The following NAMPT variants were observed in gnomAD, a reference collection of about 807,000 sequenced individuals.
NAMPT encodes the protein nicotinamide phosphoribosyltransferase, also known as NAmPRTase.
Under a neutral mutation model 58.7 loss-of-function variants are expected in NAMPT, and 7 were observed. That is an observed-to-expected ratio of 0.12 (90% CI 0.07 to 0.22). NAMPT has a LOEUF of 0.22. Ranked by LOEUF, NAMPT falls within the 10% of genes least tolerant of loss-of-function variation. The pLI is 1.00. For missense variants in NAMPT, 271 were observed against 567.9 expected, an observed-to-expected ratio of 0.48 and a Z score of 5.31; for synonymous variants, 145 against 198.1, an observed-to-expected ratio of 0.73 and a Z score of 2.25.
At position 106,266,766 on chromosome 7, in the gene NAMPT, C is replaced by G. The variant is rs142989697; in HGVS notation, c.743+1698G>C. On this transcript the variant is annotated intron_variant, in intron 6 of 10. Transcript: ENST00000222553. Reference sequence around the variant, plus strand: ...TTTTTTCAATCCATAGGATAGATATCCTGCTATAAAAATATAAAAAAGTCC... The same window carrying G: ...TTTTTTCAATCCATAGGATAGATATGCTGCTATAAAAATATAAAAAAGTCC... Among the ~76,000 whole-genome samples, 122 of 152,256 alleles carry G rather than the reference C, an allele frequency of 8.0e-4. 2 individuals are homozygous for G. The East Asian group carries it at 0.019, about 24-fold the overall frequency.
chr7:106,283,069 A>T (rs1586030429), intron 1 of NAMPT, among the ~76,000 whole-genome samples: 1 of 152,230 alleles, frequency 6.6e-6, no homozygotes, highest in Non-Finnish European at 1.5e-5. Context: ...AGCCACTGGT[A>T]TAAAACATAT....
intron 6 of NAMPT, among the ~76,000 whole-genome samples, chr7:106,264,589 G>T (rs1792374342): frequency 6.6e-6 from 1 of 151,910 alleles, no homozygotes. Context: ...TCAGATTTTG[G>T]AGCATTTTGG....
intron 4 of NAMPT, among the ~76,000 whole-genome samples, chr7:106,269,551 A>G (rs1230257591): frequency 6.6e-6 from 1 of 152,206 alleles, no homozygotes; most frequent in Non-Finnish European, 1.5e-5. Context: ...AGAACTTCAC[A>G]TTATCAAGTT....
Position 106,277,197 on chromosome 7 carries a change from C to A in NAMPT, c.58-18G>T. 3 of 1,597,268 alleles carry A rather than the reference C, an allele frequency of 1.9e-6. No individual in the cohort carries two copies. Among genetic ancestry groups the A allele is most frequent in the Non-Finnish European group, 2.6e-6 (3 of 1,168,786 alleles). On this transcript the variant is annotated intron_variant, in intron 1 of 10. Transcript: ENST00000222553. ...TGAGTAACCTATGTAAAGAAATACACTTCTGTTAGAAAACACCGATGAGTA... is the reference window on the plus strand; with the variant it reads ...TGAGTAACCTATGTAAAGAAATACAATTCTGTTAGAAAACACCGATGAGTA...
intron 2 of NAMPT, 69 bp from the exon 3 acceptor site, chr7:106,275,118 A>T (rs1165169317): frequency 1.1e-6 from 1 of 948,712 alleles, no homozygotes; most frequent in Non-Finnish European, 1.6e-6. Flanking sequence ...ACTGTCACAG[A>T]CTTAATATCT....
intron 10 of NAMPT, among the ~76,000 whole-genome samples, chr7:106,252,160 A>G (rs1470238129): frequency 6.6e-6 from 1 of 152,120 alleles, no homozygotes; most frequent in Non-Finnish European, 1.5e-5. Context: ...TCTTTTAAAA[A>G]TCACACTTAG....
At position 106,284,840 on chromosome 7, in the gene NAMPT, G is replaced by C; in HGVS notation, c.45C>G (p.Thr15=). Residue 15 remains threonine (T), a synonymous_variant, in exon 1 of 11, where the codon ACC becomes ACG. Transcript: ENST00000222553. ...CCCCGAGCTTTACCTTGTAGGAGTC[G>C]GTGGCCAGGAGGATGTTGAACTCGG... ...AEAEFNILLA[T]DSYKVTHYKQ... 6.4e-7 allele frequency: 1 copy of C among 1,567,816 alleles called. No individual in the cohort carries two copies. The highest frequency in any genetic ancestry group is 1.2e-5 in the South Asian group (1 of 85,510).
intron 8 of NAMPT, among the ~76,000 whole-genome samples, chr7:106,254,818 G>C (rs1792170644): frequency 6.6e-6 from 1 of 152,138 alleles, no homozygotes; most frequent in African/African-American, 2.4e-5. Context: ...GATTACTTGA[G>C]TCAACTTCTC....
chr7:106,285,195 GC>G (rs5886390), upstream of NAMPT: 1,186,521 of 1,186,578 alleles, frequency 1, 593,232 homozygotes, highest in Middle Eastern at 1. Context: ...GCGGCAGCGC[GC>G]TGCGCAGTGC....
chr7:106,283,027 G>C (rs1792795885), intron 1 of NAMPT, among the ~76,000 whole-genome samples: 1 of 152,078 alleles, frequency 6.6e-6, no homozygotes, highest in East Asian at 1.9e-4. Flanking sequence ...TGTGACTGTG[G>C]AATACACAAT....
intron 3 of NAMPT, among the ~76,000 whole-genome samples, chr7:106,272,882 C>T (rs1236717561): frequency 1.3e-5 from 2 of 152,150 alleles, no homozygotes; most frequent in East Asian, 3.8e-4. Context: ...TTTAATGCTG[C>T]CACGTGCTTC....
intron 2 of NAMPT, 47 bp downstream of exon 2, chr7:106,276,967 CCTAAAGGAG>C (rs1433424451): frequency 1.5e-6 from 2 of 1,361,596 alleles, no homozygotes; most frequent in African/African-American, 2.9e-5. Flanking sequence ...TAAAAGAACT[CCTAAAGGAG>C]TTAAGAGTAA....
chr7:106,276,993 G>A (rs1792660215), intron 2 of NAMPT, 30 bp downstream of exon 2: 3 of 1,507,306 alleles, frequency 2.0e-6, no homozygotes, highest in South Asian at 1.1e-5. Context: ...GTAATAAGCA[G>A]TGTTTAAAAT....
intron 8 of NAMPT, among the ~76,000 whole-genome samples, chr7:106,260,623 A>G (rs1014168082): frequency 2.6e-5 from 4 of 152,226 alleles, no homozygotes; most frequent in South Asian, 2.1e-4. Flanking sequence ...TTTAGCTTTC[A>G]GCATGCCTTC....
At position 106,284,887 on chromosome 7, in the gene NAMPT, C is replaced by G. The variant is rs200353119; in HGVS notation, c.-3G>C. ...TCGGCTTCTGCCGCAGGATTCATCTCGGGCCGGAGGACAGGGGCCGCGCGC... is the reference window on the plus strand; with the variant it reads ...TCGGCTTCTGCCGCAGGATTCATCTGGGGCCGGAGGACAGGGGCCGCGCGC... On this transcript the variant is annotated 5_prime_UTR_variant, in exon 1 of 11. Transcript: ENST00000222553. 1.9e-6 allele frequency: 3 copies of G among 1,584,128 alleles called. No individual in the cohort carries two copies. Among genetic ancestry groups the G allele is most frequent in the Admixed American group, 3.6e-5 (2 of 56,226 alleles).
At chr7:106,279,151 T>C (rs1484169541) in intron 1 of NAMPT, among the ~76,000 whole-genome samples, 1 of 152,194 alleles carries the variant, frequency 6.6e-6, no homozygotes, top group Non-Finnish European at 1.5e-5. Context: ...GTTCTCTAAT[T>C]ATAGTACTTT....
At chr7:106,285,338 C>T (rs1262782285), upstream of NAMPT, 2 of 463,124 alleles carry the variant, frequency 4.3e-6, no homozygotes, top group South Asian at 8.1e-5. Context: ...GTTCCCGGCA[C>T]GGGCGCGGGA....
Position 106,274,982 on chromosome 7 carries a change from A to G in NAMPT, c.282T>C (p.Asp94=), listed in dbSNP as rs1304278006. The stretch of plus-strand genomic sequence containing the variant: ...AGTTCCATCCCTTTTCATTAAAGAC[A>G]TCATCTTGGAAATGTTCTTTGTAGA... ...KDVYKEHFQD[D]VFNEKGWNYI... is the part of the protein sequence containing the mutation. Residue 94 remains aspartate, a synonymous_variant, in exon 3 of 11, where the codon GAT becomes GAC. Transcript: ENST00000222553. 3 of 1,611,806 alleles carry G rather than the reference A, an allele frequency of 1.9e-6. No homozygotes were observed. Among genetic ancestry groups the G allele is most frequent in the Admixed American group, 3.3e-5 (2 of 59,952 alleles).
Position 106,269,306 on chromosome 7 carries a change from G to C in NAMPT, c.454C>G (p.Leu152Val), listed in dbSNP as rs930750219. The C allele has an allele frequency of 3.1e-6, 5 of 1,611,986 alleles. No individual in the cohort carries two copies. Among genetic ancestry groups the C allele is most frequent in the African/African-American group, 1.3e-5 (1 of 74,798 alleles). Residue 152 changes from leucine (L) to valine (V), a missense_variant, in exon 5 of 11, where the codon CTT (leucine) becomes GTT (valine). Leu to Val is a conservative substitution (Grantham distance 32). This residue lies in a region of NAMPT where 103 missense variants were observed against 194.2 expected (regional missense o/e 0.53). Coordinates refer to ENST00000222553, the MANE Select transcript of NAMPT (RefSeq NM_005746.3). ...GTGATTGGATACCAGGACTGAACAA[G>C]AATAGTCTGTAGTAACAAAATTAAC... ...YWLTNWIETI[L>V]VQSWYPITVA... is the part of the protein sequence containing the mutation.
Sources: gnomAD v4.1 joint callset for allele counts (sites outside exome capture counted in the v4.1 genomes callset) on GRCh38, gnomAD v4.1.1 for gene constraint, gnomAD v4.1.1 regional missense constraint, MANE v1.5 for transcripts, NCBI Gene and HGNC (gene_info 2026-07-23, HGNC 2026-07-21) for gene names.